Variants in LHFPL3 observed in about 807,000 individuals in gnomAD.
The protein encoded by LHFPL3 is LHFPL tetraspan subfamily member 3, also known as LHFPL tetraspan subfamily member 3 protein.
A neutral mutation model predicts 19.3 loss-of-function variants in LHFPL3; 5 were observed. That is an observed-to-expected ratio of 0.26 (90% CI 0.14 to 0.54). The LOEUF is 0.54. LHFPL3 is among the 20% of genes least tolerant of loss of function. The pLI is 0.94. For synonymous variants in LHFPL3, 133 were observed against 126.2 expected (o/e 1.05, Z -0.36); for missense variants, 249 against 307.4 (o/e 0.81, Z 1.42).
intron 1 of LHFPL3, among the ~76,000 whole-genome samples, chr7:104,563,795 A>T (rs892748758): frequency 2.0e-5 from 3 of 152,192 alleles, no homozygotes; most frequent in Non-Finnish European, 4.4e-5. Flanking sequence ...AGACTCCAGA[A>T]CTATAAGAAA....
chr7:104,328,625 A>G lies in LHFPL3; in HGVS notation c.-155A>G, dbSNP rs1801507450. The G allele has an allele frequency of 1.5e-6, 1 of 673,646 alleles. No individual in the cohort carries two copies. Among genetic ancestry groups the G allele is most frequent in the South Asian group, 1.9e-5 (1 of 53,186 alleles). The allele number at this position is 673,646 out of a possible 1,614,324, so 41.7% of individuals were successfully genotyped here. ...CGCGCTCCCCCGCCCTCCTTCCGGG[A>G]GCGAGGATGCAGACTCTGAAACTGG... is the stretch of plus-strand genomic sequence containing the variant. On this transcript the variant is annotated 5_prime_UTR_variant, in exon 1 of 3. Coordinates refer to ENST00000424859, the MANE Select transcript of LHFPL3 (RefSeq NM_199000.3). The surrounding 1 kb of genome is among the most constrained non-coding windows in gnomAD (Gnocchi z 4.6).
At chr7:104,750,334 C>G (rs897349359) in intron 2 of LHFPL3, among the ~76,000 whole-genome samples, 1 of 152,194 alleles carries the variant, frequency 6.6e-6, no homozygotes, top group African/African-American at 2.4e-5. Context: ...TGAGACCTGA[C>G]TTGCCCAATA....
chr7:104,798,176 T>C (rs1790170829), intron 2 of LHFPL3, among the ~76,000 whole-genome samples: 1 of 152,202 alleles, frequency 6.6e-6, no homozygotes, highest in Non-Finnish European at 1.5e-5. Flanking sequence ...ACCACTTACA[T>C]ATCTTCTCCT....
intron 1 of LHFPL3, among the ~76,000 whole-genome samples, chr7:104,512,832 G>T (rs1793845846): frequency 6.6e-6 from 1 of 152,200 alleles, no homozygotes; most frequent in Non-Finnish European, 1.5e-5. Flanking sequence ...GCTTACCAGT[G>T]AGATGATGCT....
chr7:104,841,860 A>G (rs1333862932), intron 2 of LHFPL3, among the ~76,000 whole-genome samples: 1 of 152,066 alleles, frequency 6.6e-6, no homozygotes, highest in Non-Finnish European at 1.5e-5. Flanking sequence ...TTGCCCCTCT[A>G]TTGTTTCAGG....
At chr7:104,813,258 A>C (rs1790507499) in intron 2 of LHFPL3, among the ~76,000 whole-genome samples, 1 of 139,778 alleles carries the variant, frequency 7.2e-6, no homozygotes, top group South Asian at 2.5e-4. Context: ...GGCCTGGGAA[A>C]CAGAGTGAGA....
At chr7:104,669,012 A>C (rs895487839) in intron 1 of LHFPL3, 1 of 1,612,020 alleles carries the variant, frequency 6.2e-7, no homozygotes, top group African/African-American at 1.3e-5. Flanking sequence ...GAAGTGAGTC[A>C]TCACAGACTG....
chr7:104,614,261 A>G (rs771181970), intron 1 of LHFPL3, among the ~76,000 whole-genome samples: 3 of 152,148 alleles, frequency 2.0e-5, no homozygotes, highest in Non-Finnish European at 4.4e-5. Flanking sequence ...TACTTTCATA[A>G]GAGTTATCCC....
chr7:104,824,343 A>ATTATAGATAATATATAATTATATATATT (rs1790760367), intron 2 of LHFPL3, among the ~76,000 whole-genome samples: 1 of 33,964 alleles, frequency 2.9e-5, no homozygotes, highest in African/African-American at 1.2e-4. Context: ...AATATATATA[A>ATTATAGATAATATATAATTATATATATT]TTATAGATAA....
At chr7:104,409,304 CTGTG>C (rs59285167) in intron 1 of LHFPL3, among the ~76,000 whole-genome samples, 23,596 of 148,670 alleles carry the variant, frequency 0.16, 2,061 homozygotes, top group African/African-American at 0.23. Context: ...CTTATGTGTG[CTGTG>C]TGTGTGTGTG....
chr7:104,515,440 T>C (rs1166320174), intron 1 of LHFPL3, among the ~76,000 whole-genome samples: 1 of 152,192 alleles, frequency 6.6e-6, no homozygotes, highest in Admixed American at 6.5e-5. Flanking sequence ...GCAGTGCCCC[T>C]GTTCAAAGAA....
chr7:104,805,881 G>A (rs536533084), intron 2 of LHFPL3, among the ~76,000 whole-genome samples: 9 of 152,286 alleles, frequency 5.9e-5, no homozygotes, highest in Admixed American at 1.3e-4. Flanking sequence ...TAGCCACATC[G>A]CTTTGTCTGA....
chr7:104,414,577 C>T (rs1454093787), intron 1 of LHFPL3, among the ~76,000 whole-genome samples: 2 of 152,140 alleles, frequency 1.3e-5, no homozygotes, highest in Non-Finnish European at 2.9e-5. Flanking sequence ...TTCTTTTTTC[C>T]TATTTCAGAA....
intron 2 of LHFPL3, among the ~76,000 whole-genome samples, chr7:104,766,286 A>C (rs546139619): frequency 1.1e-4 from 16 of 152,328 alleles, no homozygotes; most frequent in Non-Finnish European, 1.9e-4. Flanking sequence ...ATGCCATGGG[A>C]GCAAGGCTTT....
At chr7:104,740,219 C>G (rs1420356897) in intron 2 of LHFPL3, among the ~76,000 whole-genome samples, 1 of 152,192 alleles carries the variant, frequency 6.6e-6, no homozygotes, top group Non-Finnish European at 1.5e-5. Flanking sequence ...AATTAAACCT[C>G]TTTCCTTTAT....
intron 1 of LHFPL3, among the ~76,000 whole-genome samples, chr7:104,722,611 A>C (rs1185822519): frequency 1.3e-5 from 2 of 152,138 alleles, no homozygotes; most frequent in Non-Finnish European, 2.9e-5. Flanking sequence ...TAGAGGTATA[A>C]ATATTATAGC....
At chr7:104,856,399 G>A (rs561208481) in intron 2 of LHFPL3, among the ~76,000 whole-genome samples, 3 of 152,020 alleles carry the variant, frequency 2.0e-5, no homozygotes, top group African/African-American at 7.2e-5. Context: ...ACAGGCACCC[G>A]CCACCACACC....
chr7:104,614,599 T>C (rs1412453290), intron 1 of LHFPL3, among the ~76,000 whole-genome samples: 1 of 112,132 alleles, frequency 8.9e-6, no homozygotes, highest in Non-Finnish European at 1.8e-5. Flanking sequence ...CTCTCTTCTC[T>C]TCTCTTCTCT....
intron 1 of LHFPL3, among the ~76,000 whole-genome samples, chr7:104,430,685 G>A (rs1791985973): frequency 6.6e-6 from 1 of 150,608 alleles, no homozygotes; most frequent in African/African-American, 2.4e-5. Context: ...TGCCAGGATG[G>A]TCTCAATCTC....
Sources: gnomAD v4.1 joint callset for allele counts (sites outside exome capture counted in the v4.1 genomes callset) on GRCh38, gnomAD v4.1.1 for gene constraint, Gnocchi (gnomAD v3.1) non-coding constraint, MANE v1.5 for transcripts, NCBI Gene and HGNC (gene_info 2026-07-23, HGNC 2026-07-21) for gene names.